The following ADARB2 variants were observed in gnomAD, a reference collection of about 807,000 sequenced individuals.
The protein encoded by ADARB2 is inactive double-stranded RNA-specific editase B2.
ADARB2 carries 25 observed loss-of-function variants against 62.2 expected under a neutral mutation model. That is an observed-to-expected ratio of 0.40 (90% confidence interval 0.29 to 0.56). The LOEUF (loss-of-function observed/expected upper bound fraction) is 0.56. Ranked by LOEUF, ADARB2 falls within the 20% of genes least tolerant of loss-of-function variation. The pLI is 0.43. For missense variants in ADARB2, 1,071 were observed against 1,077.4 expected, an observed-to-expected ratio of 0.99 and a Z score of 0.08; for synonymous variants, 572 against 500.8, an observed-to-expected ratio of 1.14 and a Z score of -1.90.
chr10:1,679,192 C>T (rs1163571068), intron 1 of ADARB2, among the ~76,000 whole-genome samples: 2 of 152,184 alleles, frequency 1.3e-5, no homozygotes, highest in Non-Finnish European at 2.9e-5. Context: ...GAGCTGCCCT[C>T]TCCTTCATCC....
At chr10:1,586,294 C>T (rs1230402715) in intron 1 of ADARB2, among the ~76,000 whole-genome samples, 1 of 152,208 alleles carries the variant, frequency 6.6e-6, no homozygotes, top group Non-Finnish European at 1.5e-5. Flanking sequence ...GCTTTCTACT[C>T]CTGCAGCAAC....
intron 3 of ADARB2, among the ~76,000 whole-genome samples, chr10:1,338,523 T>C (rs1268647575): frequency 6.6e-6 from 1 of 152,150 alleles, no homozygotes; most frequent in Non-Finnish European, 1.5e-5. Context: ...CCTAGTCAAG[T>C]GAGGTGTTGT....
chr10:1,217,268 G>A lies in ADARB2; in HGVS notation c.1514-149C>T, dbSNP rs181068489. On this transcript the variant is annotated intron_variant, in intron 6 of 9. Transcript: ENST00000381312. ...CGAGGAAGGGGCTTCAGAAATAAGC[G>A]CCATGTGGGGTTGGGCTCCAGAGCC... The A allele has an allele frequency of 3.7e-5, 31 of 845,478 alleles. No individual in the cohort carries two copies. In the East Asian group the frequency reaches 7.7e-4, roughly 21 times the overall value. 52.4% of individuals were successfully genotyped at this position (845,478 alleles called of 1,614,324 possible). A position where few individuals can be genotyped will look rare whatever the true frequency, so the allele number is the denominator to read the frequency against.
chr10:1,223,552 T>G (rs572927359), intron 6 of ADARB2, among the ~76,000 whole-genome samples: 173 of 152,306 alleles, frequency 1.1e-3, no homozygotes, highest in African/African-American at 3.9e-3. Context: ...TGATATTGGC[T>G]GTGGGTTTGT....
At chr10:1,383,749 C>T (rs1484857260) in intron 1 of ADARB2, among the ~76,000 whole-genome samples, 1 of 152,214 alleles carries the variant, frequency 6.6e-6, no homozygotes, top group Admixed American at 6.5e-5. Flanking sequence ...GAGAAGTTAG[C>T]GGATGTGCCC....
At chr10:1,685,216 G>A (rs1035591881) in intron 1 of ADARB2, among the ~76,000 whole-genome samples, 1 of 152,218 alleles carries the variant, frequency 6.6e-6, no homozygotes, top group African/African-American at 2.4e-5. Flanking sequence ...GCGTGAGTGT[G>A]TGTGTGAGTT....
chr10:1,482,534 C>T (rs889401545), intron 1 of ADARB2, among the ~76,000 whole-genome samples: 1 of 152,090 alleles, frequency 6.6e-6, no homozygotes, highest in African/African-American at 2.4e-5. Context: ...AGTGGGAGTT[C>T]GTGTTTAATG....
chr10:1,617,013 G>A (rs113373414), intron 1 of ADARB2, among the ~76,000 whole-genome samples: 12 of 145,360 alleles, frequency 8.3e-5, no homozygotes, highest in African/African-American at 1.8e-4. Context: ...TTGTGTGCCC[G>A]TCCAGACACA....
chr10:1,599,732 G>A (rs747868459), intron 1 of ADARB2, among the ~76,000 whole-genome samples: 9 of 152,090 alleles, frequency 5.9e-5, no homozygotes, highest in African/African-American at 1.2e-4. Flanking sequence ...GGAAGCCTTT[G>A]TGAAACTTTG....
intron 3 of ADARB2, among the ~76,000 whole-genome samples, chr10:1,276,890 A>C (rs1831322869): frequency 6.6e-6 from 1 of 152,232 alleles, no homozygotes. Flanking sequence ...AAAGAACAGA[A>C]GTTATAACAA....
chr10:1,327,983 GCGCCTCCC>G (rs1831891408), intron 3 of ADARB2, among the ~76,000 whole-genome samples: 1 of 152,144 alleles, frequency 6.6e-6, no homozygotes, highest in South Asian at 2.1e-4. Context: ...CCTCCTCACA[GCGCCTCCC>G]CACAGCAAGG....
chr10:1,212,860 C>G (rs1055369309), intron 7 of ADARB2, among the ~76,000 whole-genome samples: 1 of 152,012 alleles, frequency 6.6e-6, no homozygotes, highest in Non-Finnish European at 1.5e-5. Flanking sequence ...CCAAGCGGCC[C>G]TGAGTCCAAC....
intron 6 of ADARB2, among the ~76,000 whole-genome samples, chr10:1,226,629 G>C (rs926563619): frequency 2.0e-5 from 3 of 152,240 alleles, no homozygotes; most frequent in Non-Finnish European, 2.9e-5. Context: ...CCTTCTAACA[G>C]TCAGGACCCT....
chr10:1,475,661 A>G (rs181101283), intron 1 of ADARB2, among the ~76,000 whole-genome samples: 22 of 152,376 alleles, frequency 1.4e-4, no homozygotes, highest in Admixed American at 1.2e-3. Context: ...AAGTTCAGCC[A>G]TTTGAGCCAG....
intron 1 of ADARB2, among the ~76,000 whole-genome samples, chr10:1,425,953 G>A (rs1054976192): frequency 3.3e-5 from 5 of 152,228 alleles, no homozygotes; most frequent in Non-Finnish European, 5.9e-5. Context: ...CCGACGTGGA[G>A]CTGAGCGGGT....
chr10:1,358,760 C>T (rs1035328596), intron 3 of ADARB2, among the ~76,000 whole-genome samples: 2 of 151,932 alleles, frequency 1.3e-5, no homozygotes, highest in East Asian at 3.9e-4. Flanking sequence ...GGTGTGTGGA[C>T]AACAGGGTGT....
chr10:1,570,210 T>G (rs17293949), intron 1 of ADARB2, among the ~76,000 whole-genome samples: 27,307 of 152,248 alleles, frequency 0.18, 3,111 homozygotes, highest in Non-Finnish European at 0.25. Context: ...TATGTTGAAG[T>G]TGAGTGTGCC....
At chr10:1,294,406 A>C (rs1436768375) in intron 3 of ADARB2, among the ~76,000 whole-genome samples, 1 of 152,106 alleles carries the variant, frequency 6.6e-6, no homozygotes, top group Non-Finnish European at 1.5e-5. Context: ...GTGAGGATGA[A>C]TTCCTCATTT....
intron 1 of ADARB2, among the ~76,000 whole-genome samples, chr10:1,535,337 A>G (rs1832316051): frequency 6.6e-6 from 1 of 152,140 alleles, no homozygotes; most frequent in Non-Finnish European, 1.5e-5. Flanking sequence ...GAGTGGAATG[A>G]AATGAGCATT....
Sources: allele counts gnomAD v4.1 joint callset (sites outside exome capture counted in the v4.1 genomes callset), GRCh38; gene constraint gnomAD v4.1.1; transcripts MANE v1.5; gene names NCBI Gene and HGNC (gene_info 2026-07-23, HGNC 2026-07-21).